Variants in GALNT17 observed in about 807,000 individuals in gnomAD.
GALNT17 encodes the protein UDP-GalNAc:polypeptide N-acetylgalactosaminyltransferase-like 3.
GALNT17 carries 29 observed loss-of-function variants against 63.7 expected under a neutral mutation model. The observed-to-expected ratio is 0.46, with a 90% CI of 0.34 to 0.62. The LOEUF (loss-of-function observed/expected upper bound fraction) is 0.62, where lower values mean the gene tolerates loss of function less well. GALNT17 is among the 20% of genes least tolerant of loss of function. The probability of loss-of-function intolerance (pLI) is 0.01; values close to 1 mark genes in which losing one functional copy is unlikely to be tolerated. For synonymous variants in GALNT17, 305 were observed against 318.3 expected (o/e 0.96, Z 0.45); for missense variants, 603 against 799.6 (o/e 0.75, Z 2.97).
Position 71,340,430 on chromosome 7 carries a change from C to G in GALNT17, c.422+4697C>G, listed in dbSNP as rs1365011365. On this transcript the variant is annotated intron_variant, in intron 2 of 10. Coordinates refer to ENST00000333538, the MANE Select transcript of GALNT17 (RefSeq NM_022479.3). The stretch of plus-strand genomic sequence containing the variant: ...AAGAATCCACTTAAAATTATTCAGC[C>G]TAAGGAAAAGGCTGATAGATCTGAC... 2.0e-5 allele frequency among the ~76,000 whole-genome samples: 3 copies of G among 152,202 alleles called. No individual in the cohort carries two copies. In the East Asian group the frequency reaches 5.8e-4, roughly 29 times the overall value.
At chr7:71,482,173 G>A (rs1327941825) in intron 5 of GALNT17, among the ~76,000 whole-genome samples, 8 of 137,254 alleles carry the variant, frequency 5.8e-5, no homozygotes, top group South Asian at 5.0e-4. Flanking sequence ...TTTTTGAGAC[G>A]GAGTCTCGCT....
chr7:71,174,906 G>A (rs1221677500), intron 1 of GALNT17, among the ~76,000 whole-genome samples: 1 of 152,162 alleles, frequency 6.6e-6, no homozygotes, highest in Admixed American at 6.5e-5. Flanking sequence ...TTGGGTTTCT[G>A]TCTTTGGGGA....
chr7:71,709,495 C>T (rs748347682), intron 9 of GALNT17, among the ~76,000 whole-genome samples: 60 of 152,012 alleles, frequency 3.9e-4, no homozygotes, highest in Non-Finnish European at 7.2e-4. Flanking sequence ...ACCCTCCCTC[C>T]AGCCCAATAG....
At chr7:71,226,420 C>A (rs540748144) in intron 1 of GALNT17, among the ~76,000 whole-genome samples, 1 of 152,140 alleles carries the variant, frequency 6.6e-6, no homozygotes, top group Non-Finnish European at 1.5e-5. Context: ...AATTTGGAAA[C>A]CTCCTTTTTC....
chr7:71,607,120 C>T (rs527444926), intron 6 of GALNT17, among the ~76,000 whole-genome samples: 17 of 152,162 alleles, frequency 1.1e-4, no homozygotes, highest in Admixed American at 9.8e-4. Flanking sequence ...TGCAGTGAGC[C>T]ATGGTCATAT....
chr7:71,382,534 G>A (rs1222957189), intron 2 of GALNT17, among the ~76,000 whole-genome samples: 1 of 152,094 alleles, frequency 6.6e-6, no homozygotes, highest in African/African-American at 2.4e-5. Context: ...AGCTGTTCTG[G>A]GTGTCAGTGA....
intron 6 of GALNT17, among the ~76,000 whole-genome samples, chr7:71,623,237 C>A (rs1320048600): frequency 2.6e-5 from 4 of 152,132 alleles, no homozygotes; most frequent in South Asian, 4.1e-4. Context: ...TCTCTCTGTG[C>A]CTCCTTTTCC....
intron 2 of GALNT17, among the ~76,000 whole-genome samples, chr7:71,360,659 G>A (rs556526814): frequency 6.6e-6 from 1 of 152,310 alleles, no homozygotes; most frequent in African/African-American, 2.4e-5. Flanking sequence ...GCCAGCGGGT[G>A]CAGTGGCTCA....
chr7:71,678,228 G>C (rs376338923), intron 9 of GALNT17, among the ~76,000 whole-genome samples: 3 of 151,772 alleles, frequency 2.0e-5, no homozygotes, highest in Non-Finnish European at 4.4e-5. Context: ...GGGTTCAAGC[G>C]ATTCTCCTGC....
intron 1 of GALNT17, among the ~76,000 whole-genome samples, chr7:71,217,656 T>G (rs920416465): frequency 6.6e-6 from 1 of 152,158 alleles, no homozygotes; most frequent in African/African-American, 2.4e-5. Flanking sequence ...CTGGGCATGG[T>G]GGCTCACGCC....
intron 5 of GALNT17, among the ~76,000 whole-genome samples, chr7:71,526,676 C>T (rs1052353292): frequency 2.2e-4 from 34 of 151,686 alleles, no homozygotes; most frequent in Admixed American, 1.2e-3. Context: ...TGTGCCCCCA[C>T]GCCTGACTGA....
chr7:71,449,108 C>CTTTT lies in GALNT17; in HGVS notation c.962+28022_962+28025dup, dbSNP rs59368494. On this transcript the variant is annotated intron_variant, in intron 5 of 10. Transcript: ENST00000333538. ...ATTAGAAATAACAGCTGCCTATTTTCTTTTTTTTTTTTTTTTTTTTTTGAG... is the reference window on the plus strand; with the variant it reads ...ATTAGAAATAACAGCTGCCTATTTTCTTTTTTTTTTTTTTTTTTTTTTTTTTGAG... Among the ~76,000 whole-genome samples the CTTTT allele has an allele frequency of 2.6e-4, 19 of 72,746 alleles. 6 individuals are homozygous for CTTTT. The highest frequency in any genetic ancestry group is 3.7e-4 in the Non-Finnish European group (16 of 43,304). The allele number at this position is 72,746 out of a possible 152,430, so 47.7% of individuals were successfully genotyped here.
intron 6 of GALNT17, among the ~76,000 whole-genome samples, chr7:71,602,657 G>A (rs1362623238): frequency 2.6e-5 from 4 of 152,128 alleles, no homozygotes; most frequent in Non-Finnish European, 5.9e-5. Flanking sequence ...GGCAGGGGAG[G>A]TGACAGGCCA....
intron 1 of GALNT17, among the ~76,000 whole-genome samples, chr7:71,145,348 T>C (rs1787997665): frequency 6.6e-6 from 1 of 152,074 alleles, no homozygotes; most frequent in African/African-American, 2.4e-5. Flanking sequence ...ACTAAAAACC[T>C]AGCTGGGCAT....
intron 5 of GALNT17, among the ~76,000 whole-genome samples, chr7:71,475,177 C>T (rs1355918517): frequency 6.6e-6 from 1 of 152,174 alleles, no homozygotes. Flanking sequence ...CATGTTGGCA[C>T]CAGGGACTGG....
chr7:71,197,607 C>G (rs75135808), intron 1 of GALNT17, among the ~76,000 whole-genome samples: 4,038 of 152,100 alleles, frequency 0.027, 180 homozygotes, highest in African/African-American at 0.091. Context: ...ACTCCCCTTC[C>G]CAGCCTCTGG....
At chr7:71,484,501 A>T (rs77272901) in intron 5 of GALNT17, among the ~76,000 whole-genome samples, 1 of 152,110 alleles carries the variant, frequency 6.6e-6, no homozygotes, top group Non-Finnish European at 1.5e-5. Flanking sequence ...AAAAACTAGT[A>T]TGTATTGGAC....
At chr7:71,449,642 T>C (rs979167744) in intron 5 of GALNT17, among the ~76,000 whole-genome samples, 1 of 152,210 alleles carries the variant, frequency 6.6e-6, no homozygotes, top group Non-Finnish European at 1.5e-5. Flanking sequence ...TAATTTACTC[T>C]GAGTTTTTCT....
intron 5 of GALNT17, among the ~76,000 whole-genome samples, chr7:71,529,526 T>C (rs568859665): frequency 6.6e-6 from 1 of 152,300 alleles, no homozygotes; most frequent in South Asian, 2.1e-4. Flanking sequence ...ATAAAGTAGA[T>C]ATATAAAGCT....
Sources: gnomAD v4.1 joint callset for allele counts (sites outside exome capture counted in the v4.1 genomes callset) on GRCh38, gnomAD v4.1.1 for gene constraint, MANE v1.5 for transcripts, NCBI Gene and HGNC (gene_info 2026-07-23, HGNC 2026-07-21) for gene names.